Variants in MEIS1 observed in about 807,000 individuals in gnomAD.
MEIS1 encodes the protein Meis homeobox 1, also known as homeobox protein Meis1.
A neutral mutation model predicts 50.8 loss-of-function variants in MEIS1; 5 were observed. That is an observed-to-expected ratio of 0.10 (90% CI 0.05 to 0.21). The LOEUF (loss-of-function observed/expected upper bound fraction) is 0.21. Among genes scored for constraint, MEIS1 ranks in the 10% least tolerant of loss-of-function variants. MEIS1 has a pLI of 1.00. For missense variants in MEIS1, 318 were observed against 517.3 expected (o/e 0.61, Z 3.74); for synonymous variants, 176 against 179.3 (o/e 0.98, Z 0.15).
chr2:66,489,564 A>G (rs1212506529), intron 7 of MEIS1, among the ~76,000 whole-genome samples: 25 of 152,222 alleles, frequency 1.6e-4, no homozygotes, highest in Admixed American at 1.6e-3. Flanking sequence ...TGGAATAAGC[A>G]TGGCATTGTG....
At chr2:66,486,864 G>A (rs539974286) in intron 7 of MEIS1, among the ~76,000 whole-genome samples, 1 of 152,296 alleles carries the variant, frequency 6.6e-6, no homozygotes, top group Non-Finnish European at 1.5e-5. Context: ...TGTAGCAGTT[G>A]TGAATGGGAG....
At chr2:66,489,189 C>G (rs972536224) in intron 7 of MEIS1, among the ~76,000 whole-genome samples, 6 of 152,312 alleles carry the variant, frequency 3.9e-5, no homozygotes, top group African/African-American at 1.4e-4. Context: ...AAAGTGCACA[C>G]TTAATTCTTA....
chr2:66,443,687 T>C (rs562082084), intron 6 of MEIS1: 49 of 152,494 alleles, frequency 3.2e-4, no homozygotes, highest in African/African-American at 1.0e-3. Flanking sequence ...TAAAAACAGA[T>C]AAATATGGAC....
intron 8 of MEIS1, among the ~76,000 whole-genome samples, chr2:66,528,817 G>A (rs11687267): frequency 0.23 from 35,561 of 151,964 alleles, 5,088 homozygotes; most frequent in Non-Finnish European, 0.33. Flanking sequence ...CCTACTACCC[G>A]TAGGATATGA....
chr2:66,435,801 C>A lies in MEIS1; in HGVS notation c.-56C>A. The A allele has an allele frequency of 1.4e-5, 14 of 996,180 alleles. No individual in the cohort carries two copies. Among genetic ancestry groups the A allele is most frequent in the African/African-American group, 1.9e-5 (1 of 52,944 alleles). The allele number at this position is 996,180 out of a possible 1,614,324, so 61.7% of individuals were successfully genotyped here. A position where few individuals can be genotyped will look rare whatever the true frequency, so the allele number is the denominator to read the frequency against. ...GTTTGAATATTTGTTTCTTTTCACACTGGCCTTAAAGAGGATATATTAGAA... is the reference window on the plus strand; with the variant it reads ...GTTTGAATATTTGTTTCTTTTCACAATGGCCTTAAAGAGGATATATTAGAA... On this transcript the variant is annotated 5_prime_UTR_variant, in exon 1 of 13. The change creates a new upstream start codon in the 5' untranslated region. Coordinates refer to ENST00000272369, the MANE Select transcript of MEIS1 (RefSeq NM_002398.3).
Position 66,440,068 on chromosome 2 carries a change from AACACAC to A in MEIS1, c.381+103_381+108del, listed in dbSNP as rs9309387. The A allele has an allele frequency of 1.7e-3, 1,303 of 778,666 alleles. 17 individuals carry two copies. The African/African-American group carries it at 0.021, about 13-fold the overall frequency. The allele number at this position is 778,666 out of a possible 1,614,324, so 48.2% of individuals were successfully genotyped here. A position where few individuals can be genotyped will look rare whatever the true frequency, so the allele number is the denominator to read the frequency against. On this transcript the variant is annotated intron_variant, in intron 3 of 12. Transcript: ENST00000272369. ...ACACACACGCGCGCGCGCGCGCGCG[AACACAC>A]ACACACACACACACACACGGCACAC...
At chr2:66,552,814 T>C (rs1169516146) in intron 9 of MEIS1, among the ~76,000 whole-genome samples, 2 of 152,214 alleles carry the variant, frequency 1.3e-5, no homozygotes, top group Non-Finnish European at 2.9e-5. Flanking sequence ...ATTCTATAAA[T>C]ATAGGTACCT....
chr2:66,481,206 C>T (rs1673007346), intron 7 of MEIS1, among the ~76,000 whole-genome samples: 1 of 152,142 alleles, frequency 6.6e-6, no homozygotes, highest in South Asian at 2.1e-4. Flanking sequence ...CTACATTCTT[C>T]CTACTACTCA....
At chr2:66,557,338 C>T (rs1675092268) in intron 9 of MEIS1, among the ~76,000 whole-genome samples, 2 of 152,156 alleles carry the variant, frequency 1.3e-5, no homozygotes, top group Non-Finnish European at 2.9e-5. Context: ...TTAGTGTGTT[C>T]ACAGAGTTGT....
rs1674033578 is a variant in MEIS1 at position 66,518,719 on chromosome 2, A to G, written c.888+6425A>G. Among the ~76,000 whole-genome samples, 3 of 152,196 alleles carry G rather than the reference A, an allele frequency of 2.0e-5. 1 individual carries two copies. Among genetic ancestry groups the G allele is most frequent in the Admixed American group, 1.3e-4 (2 of 15,284 alleles). Reference sequence around the variant, plus strand: ...CACAAGTATACATGTGAGTGTGTGTATATTTTTTTAACGAACTCAATCCAA... The same window carrying G: ...CACAAGTATACATGTGAGTGTGTGTGTATTTTTTTAACGAACTCAATCCAA... On this transcript the variant is annotated intron_variant, in intron 8 of 12. Transcript: ENST00000272369.
At chr2:66,525,401 G>A (rs1252263241) in intron 8 of MEIS1, among the ~76,000 whole-genome samples, 2 of 152,188 alleles carry the variant, frequency 1.3e-5, no homozygotes. Flanking sequence ...ACTGCAGCTT[G>A]CATAGAAAGG....
At chr2:66,480,258 A>T (rs1475052462) in intron 7 of MEIS1, among the ~76,000 whole-genome samples, 1 of 152,224 alleles carries the variant, frequency 6.6e-6, no homozygotes, top group South Asian at 2.1e-4. Context: ...TGTGTTCTCA[A>T]AGAGTTCTGA....
Position 66,568,764 on chromosome 2 carries a change from T to A in MEIS1, c.1114+8T>A. The A allele has an allele frequency of 6.2e-7, 1 of 1,612,456 alleles. No homozygotes were observed. The highest frequency in any genetic ancestry group is 8.5e-7 in the Non-Finnish European group (1 of 1,178,506). On this transcript the variant is annotated splice_region_variant and intron_variant, in intron 11 of 12. Transcript: ENST00000272369. ...TGGGAATTAGAGCACCAGGTAAGAC[T>A]TTGTTTTTGTGGTAGTTCCTCATTT...
intron 8 of MEIS1, among the ~76,000 whole-genome samples, chr2:66,534,105 G>C (rs1438231249): frequency 6.6e-6 from 1 of 152,132 alleles, no homozygotes; most frequent in Non-Finnish European, 1.5e-5. Flanking sequence ...CACCACCAGC[G>C]TGATTATCCT....
At chr2:66,531,775 C>T (rs900863857) in intron 8 of MEIS1, among the ~76,000 whole-genome samples, 6 of 152,184 alleles carry the variant, frequency 3.9e-5, no homozygotes, top group Admixed American at 1.3e-4. Context: ...GGATGAGACC[C>T]CAGGCCTGAC....
chr2:66,570,960 T>C, intron 12 of MEIS1: 1 of 351,332 alleles, frequency 2.8e-6, no homozygotes, highest in Non-Finnish European at 5.2e-6. Flanking sequence ...AAAGTGCTTC[T>C]TCAGACCAGA....
intron 8 of MEIS1, among the ~76,000 whole-genome samples, chr2:66,522,835 G>A (rs1019563098): frequency 6.6e-6 from 1 of 152,124 alleles, no homozygotes; most frequent in Non-Finnish European, 1.5e-5. Context: ...TTTAGTGACC[G>A]CATAGGAAGT....
intron 8 of MEIS1, among the ~76,000 whole-genome samples, chr2:66,540,160 C>T (rs559374483): frequency 2.6e-5 from 4 of 152,046 alleles, no homozygotes; most frequent in Non-Finnish European, 5.9e-5. Flanking sequence ...AGGGGGTTCA[C>T]CAAGAGTACA....
At chr2:66,444,351 G>T (rs1672076222) in intron 6 of MEIS1, among the ~76,000 whole-genome samples, 1 of 152,180 alleles carries the variant, frequency 6.6e-6, no homozygotes, top group Non-Finnish European at 1.5e-5. Flanking sequence ...CTTGTCGAGC[G>T]CCTGACGCCT....
Sources: allele counts gnomAD v4.1 joint callset (sites outside exome capture counted in the v4.1 genomes callset), GRCh38; gene constraint gnomAD v4.1.1; transcripts MANE v1.5; gene names NCBI Gene and HGNC (gene_info 2026-07-23, HGNC 2026-07-21).